The following FRMD4A variants were observed in gnomAD, a reference collection of about 807,000 sequenced individuals.
The protein encoded by FRMD4A is FERM domain containing 4A.
In FRMD4A, 29 loss-of-function variants were observed where a neutral mutation model predicts 129.1. The ratio of observed to expected loss-of-function variants is 0.22; its 90% CI spans 0.17 to 0.31. FRMD4A has a LOEUF of 0.31. Among genes scored for constraint, FRMD4A ranks in the 10% least tolerant of loss-of-function variants. The pLI, the probability that FRMD4A is intolerant of heterozygous loss-of-function variation, is 1.00. For missense variants in FRMD4A, 1,272 were observed against 1,375.8 expected, an observed-to-expected ratio of 0.92 and a Z score of 1.19; for synonymous variants, 634 against 571.6, an observed-to-expected ratio of 1.11 and a Z score of -1.56.
At chr10:13,689,637 T>C (rs143126343) in intron 15 of FRMD4A, among the ~76,000 whole-genome samples, 2,310 of 151,016 alleles carry the variant, frequency 0.015, 53 homozygotes, top group African/African-American at 0.053. Flanking sequence ...ACTACAGCCT[T>C]GAACTCCTGG....
chr10:13,665,321 T>C (rs1430480070), intron 18 of FRMD4A, among the ~76,000 whole-genome samples: 1 of 152,038 alleles, frequency 6.6e-6, no homozygotes, highest in Admixed American at 6.6e-5. Flanking sequence ...AACTCCTCAT[T>C]CCCCTGTCCC....
chr10:13,710,252 TC>T (rs925977077), intron 12 of FRMD4A, among the ~76,000 whole-genome samples: 139 of 152,208 alleles, frequency 9.1e-4, no homozygotes, highest in African/African-American at 3.3e-3. Flanking sequence ...GAAGCCCCCC[TC>T]CCCACCCGAT....
chr10:13,953,742 T>A (rs548304457), intron 2 of FRMD4A, among the ~76,000 whole-genome samples: 1 of 152,338 alleles, frequency 6.6e-6, no homozygotes, highest in South Asian at 2.1e-4. Flanking sequence ...GGTTAATCTC[T>A]TACTATGCCT....
chr10:14,198,451 A>G (rs150196841), intron 2 of FRMD4A, among the ~76,000 whole-genome samples: 33 of 152,284 alleles, frequency 2.2e-4, no homozygotes, highest in African/African-American at 7.0e-4. Context: ...GGAGGAAGCA[A>G]AGGCAGAGGA....
intron 2 of FRMD4A, among the ~76,000 whole-genome samples, chr10:14,227,666 C>T (rs1357594570): frequency 6.6e-6 from 1 of 152,084 alleles, no homozygotes; most frequent in Non-Finnish European, 1.5e-5. Flanking sequence ...TTCTTTTACT[C>T]ATAAAATACT....
intron 24 of FRMD4A, chr10:13,648,062 A>T (rs1460183368): frequency 6.6e-6 from 1 of 152,136 alleles, no homozygotes; most frequent in Admixed American, 6.5e-5. Flanking sequence ...CCAGCTTTCT[A>T]TTTCATTTGC....
At chr10:14,109,223 A>T (rs930372365) in intron 2 of FRMD4A, among the ~76,000 whole-genome samples, 5 of 151,896 alleles carry the variant, frequency 3.3e-5, no homozygotes, top group African/African-American at 9.7e-5. Flanking sequence ...AAAAAAAAAA[A>T]AAAGCCTCCA....
At chr10:14,184,037 G>A (rs1280974067) in intron 2 of FRMD4A, among the ~76,000 whole-genome samples, 1 of 151,804 alleles carries the variant, frequency 6.6e-6, no homozygotes, top group South Asian at 2.1e-4. Flanking sequence ...CCTGGTCATG[G>A]TTTGGAGAAA....
chr10:13,884,180 A>ACT (rs2094585934), intron 2 of FRMD4A, among the ~76,000 whole-genome samples: 1 of 78,900 alleles, frequency 1.3e-5, no homozygotes, highest in South Asian at 7.3e-4. Flanking sequence ...ACACACTCAC[A>ACT]CACACACACA....
At chr10:13,699,358 T>C (rs1010125409) in intron 14 of FRMD4A, among the ~76,000 whole-genome samples, 3 of 151,214 alleles carry the variant, frequency 2.0e-5, no homozygotes, top group African/African-American at 7.3e-5. Context: ...ATTACAGGCG[T>C]GAGCCATGGC....
intron 6 of FRMD4A, among the ~76,000 whole-genome samples, chr10:13,773,001 C>A (rs533653883): frequency 6.6e-6 from 1 of 152,084 alleles, no homozygotes; most frequent in Non-Finnish European, 1.5e-5. Flanking sequence ...GGGGTGGATA[C>A]CCCATTTGCC....
intron 13 of FRMD4A, among the ~76,000 whole-genome samples, chr10:13,702,087 T>C (rs1030209029): frequency 7.9e-5 from 12 of 152,150 alleles, no homozygotes; most frequent in African/African-American, 2.7e-4. Flanking sequence ...CATTTATATT[T>C]TTCAGATGGA....
In FRMD4A at chr10:13,859,817, AC is replaced by A. The variant is rs566720435; in HGVS notation, c.46-906del. 1.8e-3 allele frequency among the ~76,000 whole-genome samples: 277 copies of A among 152,184 alleles called. 1 individual carries two copies. Among genetic ancestry groups the A allele is most frequent in the Middle Eastern group, 6.8e-3 (2 of 294 alleles). On this transcript the variant is annotated intron_variant, in intron 2 of 24. Coordinates refer to ENST00000357447, the MANE Select transcript of FRMD4A (RefSeq NM_018027.5). Reference sequence around the variant, plus strand: ...CGATATGAACCCACAGGCAAATCCAACCCCGTCCCTTGTGCCTTTCAGGACT... The same window carrying A: ...CGATATGAACCCACAGGCAAATCCAACCCGTCCCTTGTGCCTTTCAGGACT...
intron 2 of FRMD4A, among the ~76,000 whole-genome samples, chr10:14,085,547 G>C (rs1453679428): frequency 6.6e-6 from 1 of 152,218 alleles, no homozygotes; most frequent in Non-Finnish European, 1.5e-5. Flanking sequence ...ACGGGTCTCA[G>C]AAGCTTGCTT....
intron 2 of FRMD4A, among the ~76,000 whole-genome samples, chr10:14,097,964 ATT>A (rs1837068775): frequency 6.9e-6 from 1 of 145,116 alleles, no homozygotes; most frequent in East Asian, 1.9e-4. Context: ...AATTATATAT[ATT>A]ATATACAAAT....
chr10:13,939,378 G>A (rs11258737), intron 2 of FRMD4A, among the ~76,000 whole-genome samples: 14,526 of 152,052 alleles, frequency 0.096, 768 homozygotes, highest in Middle Eastern at 0.18. Flanking sequence ...GCATTATTTG[G>A]GAATTCTAAT....
At chr10:13,927,493 T>C (rs1427253134) in intron 2 of FRMD4A, among the ~76,000 whole-genome samples, 1 of 152,208 alleles carries the variant, frequency 6.6e-6, no homozygotes, top group Non-Finnish European at 1.5e-5. Flanking sequence ...AAGTTAAGAA[T>C]TTTCTATTTC....
chr10:13,778,398 C>T (rs2130765273), intron 6 of FRMD4A, among the ~76,000 whole-genome samples: 1 of 152,204 alleles, frequency 6.6e-6, no homozygotes, highest in Admixed American at 6.5e-5. Flanking sequence ...AAATGCTGTC[C>T]TCTTAGTGTG....
intron 2 of FRMD4A, among the ~76,000 whole-genome samples, chr10:13,863,994 TTC>T (rs377146732): frequency 3.3e-5 from 5 of 151,162 alleles, no homozygotes; most frequent in Admixed American, 6.6e-5. Context: ...CTCTCTTTCT[TTC>T]TCTCTCTCTC....
Sources: gnomAD v4.1 joint callset for allele counts (sites outside exome capture counted in the v4.1 genomes callset) on GRCh38, gnomAD v4.1.1 for gene constraint, MANE v1.5 for transcripts, NCBI Gene and HGNC (gene_info 2026-07-23, HGNC 2026-07-21) for gene names.